The following BAZ1A variants were observed in gnomAD, a reference collection of about 807,000 sequenced individuals.
BAZ1A encodes the protein bromodomain adjacent to zinc finger domain 1A, also known as bromodomain adjacent to zinc finger domain protein 1A.
A neutral mutation model predicts 185.2 loss-of-function variants in BAZ1A; 50 were observed. That is an observed-to-expected ratio of 0.27 (90% CI 0.22 to 0.34). The LOEUF is 0.34. Ranked by LOEUF, BAZ1A falls within the 10% of genes least tolerant of loss-of-function variation. The pLI is 1.00. For synonymous variants in BAZ1A, 571 were observed against 615.6 expected, an observed-to-expected ratio of 0.93 and a Z score of 1.07; for missense variants, 1,356 against 1,839.9, an observed-to-expected ratio of 0.74 and a Z score of 4.81.
chr14:34,799,303 CA>C (rs1393324842), intron 9 of BAZ1A, among the ~76,000 whole-genome samples: 1 of 151,808 alleles, frequency 6.6e-6, no homozygotes, highest in African/African-American at 2.4e-5. Flanking sequence ...TTAATGGGTG[CA>C]GCAAATGAAC....
chr14:34,793,367 G>A (rs1014498729), intron 11 of BAZ1A, among the ~76,000 whole-genome samples: 10 of 152,144 alleles, frequency 6.6e-5, no homozygotes, highest in African/African-American at 2.2e-4. Context: ...ATAAATAAAT[G>A]TTTTTTATCT....
Position 34,780,265 on chromosome 14 carries a change from G to A in BAZ1A, c.2157C>T (p.Asp719=). Residue 719 remains aspartate, a synonymous_variant, in exon 17 of 27, where the codon GAC becomes GAT. Coordinates refer to ENST00000360310, the MANE Select transcript of BAZ1A (RefSeq NM_013448.3). ...CTTGATCTAATTCCTTTTGCTCTGT[G>A]TCTTTGCTCTCAATGCTAGTATCAA... is the stretch of plus-strand genomic sequence containing the variant. The part of the protein sequence containing the change: ...EDFDTSIESK[D]TEQKELDQDM... The A allele has an allele frequency of 6.2e-7, 1 of 1,613,326 alleles. No homozygotes were observed.
chr14:34,794,661 C>A, intron 11 of BAZ1A, 88 bp downstream of exon 11: 1 of 1,376,468 alleles, frequency 7.3e-7, no homozygotes, highest in Non-Finnish European at 1.0e-6. Flanking sequence ...CCAGTGCCCC[C>A]ACAGAACTTT....
intron 4 of BAZ1A, 103 bp from the exon 5 acceptor site, chr14:34,811,139 T>C: frequency 1.2e-6 from 1 of 836,354 alleles, no homozygotes; most frequent in Non-Finnish European, 1.8e-6. Flanking sequence ...AAATCACATA[T>C]TTCAAAATTT....
Position 34,815,565 on chromosome 14 carries a change from T to C in BAZ1A, c.537-4529A>G, listed in dbSNP as rs1423407799. Among the ~76,000 whole-genome samples, 4 of 152,194 alleles carry C rather than the reference T, an allele frequency of 2.6e-5. No homozygotes were observed. In the South Asian group the frequency reaches 8.3e-4, roughly 31 times the overall value. On this transcript the variant is annotated intron_variant, in intron 4 of 26. Transcript: ENST00000360310. Reference sequence around the variant, plus strand: ...TTGTACTAATAAAATCAAAACACCATTCCGATTATTCATTCACAACAAAAT... The same window carrying C: ...TTGTACTAATAAAATCAAAACACCACTCCGATTATTCATTCACAACAAAAT...
intron 3 of BAZ1A, among the ~76,000 whole-genome samples, chr14:34,852,488 G>A (rs923342891): frequency 1.3e-5 from 2 of 151,946 alleles, no homozygotes; most frequent in Non-Finnish European, 2.9e-5. Flanking sequence ...ATGGTGGCAC[G>A]CACGCCCGTA....
intron 3 of BAZ1A, among the ~76,000 whole-genome samples, chr14:34,842,366 T>C (rs974589959): frequency 1.4e-4 from 21 of 152,284 alleles, no homozygotes; most frequent in African/African-American, 4.6e-4. Context: ...AGCAAAATAC[T>C]AGAAAAGAAA....
At chr14:34,783,010 TA>T in intron 16 of BAZ1A, 108 bp downstream of exon 16, 1 of 873,074 alleles carries the variant, frequency 1.1e-6, no homozygotes, top group Non-Finnish European at 1.8e-6. Flanking sequence ...GTACCTATAA[TA>T]AAAAGACAAC....
chr14:34,763,202 T>C (rs1161844258), intron 23 of BAZ1A, among the ~76,000 whole-genome samples: 1 of 152,214 alleles, frequency 6.6e-6, no homozygotes, highest in Non-Finnish European at 1.5e-5. Flanking sequence ...GCAAGAACTT[T>C]CCACATTCTT....
chr14:34,819,120 G>A (rs566667030), intron 4 of BAZ1A, among the ~76,000 whole-genome samples: 6 of 133,876 alleles, frequency 4.5e-5, no homozygotes, highest in South Asian at 2.5e-4. Flanking sequence ...CGACCTGGGC[G>A]ACAGAGCAAG....
chr14:34,770,959 A>C (rs764428895), intron 21 of BAZ1A, among the ~76,000 whole-genome samples: 1 of 151,990 alleles, frequency 6.6e-6, no homozygotes, highest in African/African-American at 2.4e-5. Flanking sequence ...GTTACACATA[A>C]TCTTTGATTA....
At chr14:34,867,155 A>G (rs565993681) in intron 2 of BAZ1A, among the ~76,000 whole-genome samples, 188 of 152,210 alleles carry the variant, frequency 1.2e-3, no homozygotes, top group African/African-American at 4.2e-3. Context: ...GCTATTGGGG[A>G]GGCTGAGGCA....
At chr14:34,831,867 A>G (rs1188155722) in intron 3 of BAZ1A, among the ~76,000 whole-genome samples, 1 of 152,186 alleles carries the variant, frequency 6.6e-6, no homozygotes, top group African/African-American at 2.4e-5. Flanking sequence ...GAAAGTGAGA[A>G]TATTATCGCT....
At chr14:34,772,797 G>A (rs371309942) in intron 20 of BAZ1A, among the ~76,000 whole-genome samples, 12 of 152,240 alleles carry the variant, frequency 7.9e-5, no homozygotes, top group East Asian at 1.9e-4. Flanking sequence ...TTGGGAGGCC[G>A]AGGCAGGGCA....
intron 6 of BAZ1A, among the ~76,000 whole-genome samples, chr14:34,805,124 C>A (rs904841839): frequency 1.3e-5 from 2 of 152,152 alleles, no homozygotes; most frequent in African/African-American, 4.8e-5. Flanking sequence ...TGCTTGCTTT[C>A]CGCCATGATT....
chr14:34,874,791 G>T lies in BAZ1A; in HGVS notation c.-58-129C>A, dbSNP rs1594927320. Reference sequence around the variant, plus strand: ...CTGACGCGCCGCGGCCGCTACCGGAGCCGAGTTCGTTCCTGCCGCTGCCCG... The same window carrying T: ...CTGACGCGCCGCGGCCGCTACCGGATCCGAGTTCGTTCCTGCCGCTGCCCG... On this transcript the variant is annotated intron_variant, in intron 1 of 26. Coordinates refer to ENST00000360310, the MANE Select transcript of BAZ1A (RefSeq NM_013448.3). This position sits in a 1 kb window ranked among gnomAD's most constrained non-coding sequence, Gnocchi z 4.7. 1.9e-6 allele frequency: 1 copy of T among 520,046 alleles called. No homozygotes were observed. Among genetic ancestry groups the T allele is most frequent in the Non-Finnish European group, 3.3e-6 (1 of 299,210 alleles). 32.2% of individuals were successfully genotyped at this position (520,046 alleles called of 1,614,324 possible). A position where few individuals can be genotyped will look rare whatever the true frequency, so the allele number is the denominator to read the frequency against.
At chr14:34,753,728 G>T (rs754479812) in intron 26 of BAZ1A, 24 bp from the exon 27 acceptor site, 10 of 1,508,232 alleles carry the variant, frequency 6.6e-6, no homozygotes, top group Non-Finnish European at 9.0e-6. Context: ...GAGACAAAAA[G>T]ATTAGAATGA....
At chr14:34,788,964 A>G (rs770829211) in intron 12 of BAZ1A, among the ~76,000 whole-genome samples, 1 of 152,214 alleles carries the variant, frequency 6.6e-6, no homozygotes, top group African/African-American at 2.4e-5. Context: ...TCTGATTACA[A>G]TCATCGACAA....
chr14:34,832,215 C>CACACACACACACATATAT lies in BAZ1A; in HGVS notation c.393-6060_393-6059insATATATGTGTGTGTGTGT. 3.0e-4 allele frequency among the ~76,000 whole-genome samples: 27 copies of CACACACACACACATATAT among 89,712 alleles called. 1 individual carries two copies. The highest frequency in any genetic ancestry group is 8.6e-4 in the African/African-American group (23 of 26,802). 58.9% of individuals were successfully genotyped at this position (89,712 alleles called of 152,430 possible). ...ATACACACACACACACACACACACA[C>CACACACACACACATATAT]ATATATATATATATATGTATGTATG... On this transcript the variant is annotated intron_variant, in intron 3 of 26. Transcript: ENST00000360310.
Sources: gnomAD v4.1 joint callset for allele counts (sites outside exome capture counted in the v4.1 genomes callset) on GRCh38, gnomAD v4.1.1 for gene constraint, Gnocchi (gnomAD v3.1) non-coding constraint, MANE v1.5 for transcripts, NCBI Gene and HGNC (gene_info 2026-07-23, HGNC 2026-07-21) for gene names.